The following PSTPIP2 variants were observed in gnomAD, a reference collection of about 807,000 sequenced individuals.
PSTPIP2 encodes proline-serine-threonine phosphatase interacting protein 2, also known as proline-serine-threonine phosphatase-interacting protein 2.
A neutral mutation model predicts 63.3 loss-of-function variants in PSTPIP2; 33 were observed. That is an observed-to-expected ratio of 0.52 (90% CI 0.40 to 0.70). The LOEUF (loss-of-function observed/expected upper bound fraction) is 0.70, where lower values mean the gene tolerates loss of function less well. Ranked by LOEUF, PSTPIP2 falls within the 30% of genes least tolerant of loss-of-function variation. The pLI is 0.00. For synonymous variants in PSTPIP2, 125 were observed against 132.7 expected, an observed-to-expected ratio of 0.94 and a Z score of 0.40; for missense variants, 312 against 400.7, an observed-to-expected ratio of 0.78 and a Z score of 1.89.
chr18:45,988,633 T>C, intron 14 of PSTPIP2, 69 bp downstream of exon 14: 1 of 1,370,502 alleles, frequency 7.3e-7, no homozygotes, highest in Middle Eastern at 1.8e-4. Context: ...TAAATAAGGT[T>C]CAAAGGCTTC....
In PSTPIP2 at chr18:46,006,581, G is replaced by A. The variant is rs1435362064; in HGVS notation, c.355-1050C>T. Among the ~76,000 whole-genome samples the A allele has an allele frequency of 2.0e-5, 3 of 150,272 alleles. No individual in the cohort carries two copies. In the East Asian group the frequency reaches 5.9e-4, roughly 29 times the overall value. On this transcript the variant is annotated intron_variant, in intron 5 of 14. Transcript: ENST00000409746. Reference sequence around the variant, plus strand: ...AGTAGAGACAGGGTTTCACCATGTTGGTCAGGCTGGTCTCGAACTGCTGAC... The same window carrying A: ...AGTAGAGACAGGGTTTCACCATGTTAGTCAGGCTGGTCTCGAACTGCTGAC...
rs1211751048 is a variant in PSTPIP2 at position 45,983,966 on chromosome 18, G to A, written c.*1493C>T. Reference sequence around the variant, plus strand: ...GTTTGAGACCAGCCTGACCAACATGGTAAAACCCTGTCTTTACTAAAAATA... The same window carrying A: ...GTTTGAGACCAGCCTGACCAACATGATAAAACCCTGTCTTTACTAAAAATA... On this transcript the variant is annotated 3_prime_UTR_variant, in exon 15 of 15. Coordinates refer to ENST00000409746, the MANE Select transcript of PSTPIP2 (RefSeq NM_024430.4). 1 of 152,134 alleles carries A rather than the reference G, an allele frequency of 6.6e-6. No homozygotes were observed. Among genetic ancestry groups the A allele is most frequent in the Non-Finnish European group, 1.5e-5 (1 of 68,060 alleles). 9.4% of individuals were successfully genotyped at this position (152,134 alleles called of 1,614,324 possible).
chr18:46,061,393 A>C (rs1384922444), intron 1 of PSTPIP2, among the ~76,000 whole-genome samples: 1 of 152,178 alleles, frequency 6.6e-6, no homozygotes, highest in Non-Finnish European at 1.5e-5. Context: ...AGTCAAAGGA[A>C]GCAGATGAGA....
At chr18:46,028,943 C>A in intron 2 of PSTPIP2, 1 of 1,282,536 alleles carries the variant, frequency 7.8e-7, no homozygotes, top group Non-Finnish European at 1.1e-6. Context: ...CATGGTAATG[C>A]TGAACGTCCT....
chr18:45,995,250 T>C (rs2051582067), intron 9 of PSTPIP2, among the ~76,000 whole-genome samples: 1 of 151,930 alleles, frequency 6.6e-6, no homozygotes, highest in South Asian at 2.1e-4. Context: ...AAGTAGCCTC[T>C]ACCACCATGC....
chr18:46,024,558 T>A, intron 3 of PSTPIP2, 51 bp downstream of exon 3: 1 of 1,478,276 alleles, frequency 6.8e-7, no homozygotes. Context: ...GCGAGGGAGC[T>A]CCCAGGCATT....
In PSTPIP2 at chr18:45,985,365, T is replaced by A. The variant is rs1202851284; in HGVS notation, c.*94A>T. 6.5e-7 allele frequency: 1 copy of A among 1,536,826 alleles called. No homozygotes were observed. The highest frequency in any genetic ancestry group is 1.4e-5 in the African/African-American group (1 of 70,832). On this transcript the variant is annotated 3_prime_UTR_variant, in exon 15 of 15. Transcript: ENST00000409746. ...GCAAGGGTTCACTTCAAAGTCTTCA[T>A]TGCTGACATAACGTGGCTATAGGTC...
At chr18:46,004,786 T>C (rs1371561140) in intron 6 of PSTPIP2, among the ~76,000 whole-genome samples, 1 of 152,310 alleles carries the variant, frequency 6.6e-6, no homozygotes, top group East Asian at 1.9e-4. Flanking sequence ...TCAACCATTG[T>C]GGAAAGCAGT....
chr18:46,068,656 A>C (rs9962297), intron 1 of PSTPIP2, among the ~76,000 whole-genome samples: 94,437 of 151,540 alleles, frequency 0.62, 29,688 homozygotes, highest in African/African-American at 0.7. Flanking sequence ...AGCTTGAGGC[A>C]AGGAGTTTGA....
chr18:46,036,980 T>A (rs1908004641), intron 2 of PSTPIP2, among the ~76,000 whole-genome samples: 1 of 152,162 alleles, frequency 6.6e-6, no homozygotes, highest in South Asian at 2.1e-4. Flanking sequence ...GTATTAAACT[T>A]GATGAACTCA....
intron 1 of PSTPIP2, among the ~76,000 whole-genome samples, chr18:46,044,447 C>G (rs1249884390): frequency 6.6e-6 from 1 of 152,162 alleles, no homozygotes; most frequent in Non-Finnish European, 1.5e-5. Context: ...GGAAAACTGG[C>G]TAGCCATATG....
intron 1 of PSTPIP2, among the ~76,000 whole-genome samples, chr18:46,065,144 C>CAAAAAAAAAAAAAA (rs35144990): frequency 3.7e-4 from 30 of 80,756 alleles, no homozygotes; most frequent in South Asian, 4.5e-4. Context: ...AACTCTGTCT[C>CAAAAAAAAAAAAAA]AAAAAAAAAA....
At chr18:45,988,292 G>GAGTGTGGT (rs1305393509) in intron 14 of PSTPIP2, among the ~76,000 whole-genome samples, 1 of 112,498 alleles carries the variant, frequency 8.9e-6, no homozygotes, top group African/African-American at 4.9e-5. Context: ...AATATTAGCT[G>GAGTGTGGT]GGTGTGGTGG....
chr18:46,006,357 G>C (rs11082505), intron 5 of PSTPIP2, among the ~76,000 whole-genome samples: 125,699 of 132,210 alleles, frequency 0.95, 59,596 homozygotes, highest in Middle Eastern at 0.98. Context: ...CCCAGCCCTG[G>C]TACTTTTTTT....
chr18:46,041,051 A>T (rs1334611915), intron 1 of PSTPIP2: 2 of 458,368 alleles, frequency 4.4e-6, no homozygotes, highest in South Asian at 3.1e-5. Context: ...TGACCCTGAT[A>T]GCTCTTCCTA....
At position 45,988,647 on chromosome 18, in the gene PSTPIP2, A is replaced by G. The variant is rs1599690572; in HGVS notation, c.*8+55T>C. On this transcript the variant is annotated intron_variant, in intron 14 of 14. Transcript: ENST00000409746. Reference sequence around the variant, plus strand: ...ATAAATAAGGTTCAAAGGCTTCAATAGCACAATTACCAGTCTACACATGAC... The same window carrying G: ...ATAAATAAGGTTCAAAGGCTTCAATGGCACAATTACCAGTCTACACATGAC... 6 of 1,441,534 alleles carry G rather than the reference A, an allele frequency of 4.2e-6. No individual in the cohort carries two copies. The East Asian group carries it at 1.4e-4, about 33-fold the overall frequency. The allele number at this position is 1,441,534 out of a possible 1,614,324, so 89.3% of individuals were successfully genotyped here.
chr18:46,000,435 C>T (rs370962848), intron 6 of PSTPIP2, among the ~76,000 whole-genome samples: 5 of 152,134 alleles, frequency 3.3e-5, no homozygotes, highest in Admixed American at 6.6e-5. Flanking sequence ...AGTGCAATCT[C>T]GGCTCACTGC....
chr18:46,002,591 T>C (rs1347776576), intron 6 of PSTPIP2, among the ~76,000 whole-genome samples: 1 of 152,234 alleles, frequency 6.6e-6, no homozygotes, highest in Non-Finnish European at 1.5e-5. Context: ...ATTTGGTTCA[T>C]CTTTATATCT....
intron 13 of PSTPIP2, among the ~76,000 whole-genome samples, chr18:45,990,349 C>G (rs2051513463): frequency 6.6e-6 from 1 of 152,074 alleles, no homozygotes; most frequent in African/African-American, 2.4e-5. Context: ...CCTTTCATTC[C>G]CTTTATTTCA....
Sources: gnomAD v4.1 joint callset for allele counts (sites outside exome capture counted in the v4.1 genomes callset) on GRCh38, gnomAD v4.1.1 for gene constraint, MANE v1.5 for transcripts, NCBI Gene and HGNC (gene_info 2026-07-23, HGNC 2026-07-21) for gene names.